EYA3: variants seen among roughly 807,000 people sequenced by gnomAD.
The protein encoded by EYA3 is EYA transcriptional coactivator and phosphatase 3, also known as protein phosphatase EYA3.
A neutral mutation model predicts 80.0 loss-of-function variants in EYA3; 39 were observed. The ratio of observed to expected loss-of-function variants is 0.49; its 90% CI spans 0.38 to 0.64. The LOEUF (loss-of-function observed/expected upper bound fraction) is 0.64, where lower values mean the gene tolerates loss of function less well. Ranked by LOEUF, EYA3 falls within the 30% of genes least tolerant of loss-of-function variation. The pLI is 0.00. For synonymous variants in EYA3, 206 were observed against 232.8 expected (o/e 0.88, Z 1.05); for missense variants, 523 against 676.1 (o/e 0.77, Z 2.51).
At chr1:27,981,271 T>A (rs1168603483) in intron 16 of EYA3, among the ~76,000 whole-genome samples, 2 of 152,172 alleles carry the variant, frequency 1.3e-5, no homozygotes, top group East Asian at 3.9e-4. Flanking sequence ...CCACTGCAGC[T>A]TTGCAAATTA....
chr1:28,018,501 C>A (rs1557575772), intron 7 of EYA3, among the ~76,000 whole-genome samples: 1 of 152,148 alleles, frequency 6.6e-6, no homozygotes, highest in Non-Finnish European at 1.5e-5. Flanking sequence ...ATCAGGTAGA[C>A]CTGACTAACT....
At chr1:27,979,375 T>G (rs7543431) in intron 16 of EYA3, among the ~76,000 whole-genome samples, 142,205 of 152,222 alleles carry the variant, frequency 0.93, 67,128 homozygotes, top group East Asian at 1. Flanking sequence ...AAATATGGCA[T>G]CAACATTTGT....
intron 16 of EYA3, among the ~76,000 whole-genome samples, chr1:27,986,960 C>G (rs1639701608): frequency 6.6e-6 from 1 of 152,174 alleles, no homozygotes; most frequent in South Asian, 2.1e-4. Context: ...CCTGAGCCTC[C>G]CAAAGTGCTG....
At chr1:28,055,995 C>CTT (rs34697907) in intron 2 of EYA3, among the ~76,000 whole-genome samples, 2 of 145,242 alleles carry the variant, frequency 1.4e-5, no homozygotes, top group South Asian at 2.2e-4. Flanking sequence ...CTGTGAAAAG[C>CTT]TTTTTTTTTT....
rs181502238 is a variant in EYA3, at chr1:28,014,183, G to A, written c.586-889C>T. Among the ~76,000 whole-genome samples, 4 of 152,244 alleles carry A rather than the reference G, an allele frequency of 2.6e-5. No individual in the cohort carries two copies. The East Asian group carries it at 5.8e-4, about 22-fold the overall frequency. The stretch of plus-strand genomic sequence containing the variant: ...TGTAATCCCAGCACTTTGGGAGGAC[G>A]AGGTGGGAGGATCGCATGAGCTCAG... On this transcript the variant is annotated intron_variant, in intron 8 of 17. Coordinates refer to ENST00000373871, the MANE Select transcript of EYA3 (RefSeq NM_001990.4).
intron 2 of EYA3, among the ~76,000 whole-genome samples, chr1:28,048,760 A>G (rs1644128951): frequency 6.6e-6 from 1 of 152,204 alleles, no homozygotes; most frequent in African/African-American, 2.4e-5. Flanking sequence ...TTATATTTAA[A>G]CAAACAGTAA....
At chr1:28,001,257 T>C (rs1363435074) in intron 11 of EYA3, among the ~76,000 whole-genome samples, 1 of 148,834 alleles carries the variant, frequency 6.7e-6, no homozygotes, top group Non-Finnish European at 1.5e-5. Flanking sequence ...ATAATATATA[T>C]GATACAAGAT....
At chr1:27,989,930 G>T in intron 14 of EYA3, 119 bp from the exon 15 acceptor site, 1 of 497,542 alleles carries the variant, frequency 2.0e-6, no homozygotes, top group Non-Finnish European at 3.6e-6. Context: ...TACTGAGTAT[G>T]TTTATATATA....
intron 16 of EYA3, among the ~76,000 whole-genome samples, chr1:27,987,330 G>A (rs978344154): frequency 1.3e-5 from 2 of 152,168 alleles, no homozygotes; most frequent in Non-Finnish European, 2.9e-5. Context: ...TTCACTGTAC[G>A]TGTATACCAC....
intron 1 of EYA3, among the ~76,000 whole-genome samples, chr1:28,085,760 GGTTTGTTT>G (rs149922866): frequency 2.6e-4 from 39 of 151,842 alleles, no homozygotes; most frequent in African/African-American, 6.8e-4. Flanking sequence ...GCTGTCTCTG[GGTTTGTTT>G]GTTTGTTTGT....
At chr1:28,036,181 CA>C (rs1347441173) in intron 5 of EYA3, among the ~76,000 whole-genome samples, 2 of 152,268 alleles carry the variant, frequency 1.3e-5, no homozygotes, top group African/African-American at 4.8e-5. Context: ...ATCATCAACC[CA>C]AGGAACAATT....
intron 6 of EYA3, among the ~76,000 whole-genome samples, chr1:28,031,677 G>A (rs1002947430): frequency 7.2e-5 from 11 of 152,262 alleles, no homozygotes; most frequent in African/African-American, 2.4e-4. Context: ...ACACACCAAT[G>A]CTAGAAAAAG....
chr1:28,071,115 G>A (rs867496192), intron 1 of EYA3, among the ~76,000 whole-genome samples: 1 of 152,100 alleles, frequency 6.6e-6, no homozygotes, highest in Admixed American at 6.5e-5. Flanking sequence ...GTAGAGATGG[G>A]GTTTCACCAT....
rs1641800723 is a variant in EYA3, at chr1:28,013,079, T to C, written c.769+32A>G. 1.3e-6 allele frequency: 2 copies of C among 1,596,794 alleles called. No homozygotes were observed. Among genetic ancestry groups the C allele is most frequent in the Non-Finnish European group, 1.7e-6 (2 of 1,172,944 alleles). On this transcript the variant is annotated intron_variant, in intron 9 of 17. Transcript: ENST00000373871. The surrounding 1 kb of genome is among the most constrained non-coding windows in gnomAD (Gnocchi z 4.0). Reference sequence around the variant, plus strand: ...AAACAACTGTTGGATGAAGTGACCTTAAGCCAAAGTTTTCAGAGCTGCGGT... The same window carrying C: ...AAACAACTGTTGGATGAAGTGACCTCAAGCCAAAGTTTTCAGAGCTGCGGT...
At chr1:27,984,915 A>T (rs1639548810) in intron 16 of EYA3, among the ~76,000 whole-genome samples, 1 of 152,202 alleles carries the variant, frequency 6.6e-6, no homozygotes, top group African/African-American at 2.4e-5. Context: ...TAGTAAAAAT[A>T]TTAGAACAGG....
At chr1:28,041,916 G>T (rs1418444052) in intron 4 of EYA3, among the ~76,000 whole-genome samples, 1 of 152,218 alleles carries the variant, frequency 6.6e-6, no homozygotes, top group African/African-American at 2.4e-5. Context: ...TAGGGAACAG[G>T]TCTTTTTCTT....
intron 1 of EYA3, among the ~76,000 whole-genome samples, chr1:28,071,997 C>G (rs1334592407): frequency 1.3e-5 from 2 of 152,122 alleles, no homozygotes; most frequent in Non-Finnish European, 2.9e-5. Context: ...CTGTACTAGT[C>G]TCTGCTTAGC....
intron 1 of EYA3, among the ~76,000 whole-genome samples, chr1:28,076,642 T>TGG (rs1277950703): frequency 7.6e-6 from 1 of 130,740 alleles, no homozygotes; most frequent in African/African-American, 2.9e-5. Context: ...CACTCCAGCC[T>TGG]GGGTGACACA....
chr1:28,040,481 T>A (rs1026046137), intron 4 of EYA3, among the ~76,000 whole-genome samples: 2 of 152,146 alleles, frequency 1.3e-5, no homozygotes, highest in African/African-American at 4.8e-5. Context: ...ATGGAATTCA[T>A]TAACCATGTA....
Sources: allele counts gnomAD v4.1 joint callset (sites outside exome capture counted in the v4.1 genomes callset), GRCh38; gene constraint gnomAD v4.1.1; non-coding constraint Gnocchi (gnomAD v3.1); transcripts MANE v1.5; gene names NCBI Gene and HGNC (gene_info 2026-07-23, HGNC 2026-07-21).